The following MMP16 variants were observed in gnomAD, a reference collection of about 807,000 sequenced individuals.
MMP16 encodes the protein matrix metalloproteinase-16.
A neutral mutation model predicts 67.8 loss-of-function variants in MMP16; 12 were observed. That is an observed-to-expected ratio of 0.18 (90% CI 0.11 to 0.29). MMP16 has a LOEUF of 0.29. Ranked by LOEUF, MMP16 falls within the 10% of genes least tolerant of loss-of-function variation. The pLI is 1.00. For synonymous variants in MMP16, 249 were observed against 255.9 expected (o/e 0.97, Z 0.26); for missense variants, 475 against 765.7 (o/e 0.62, Z 4.48).
intron 1 of MMP16, among the ~76,000 whole-genome samples, chr8:88,253,040 C>T (rs1024387502): frequency 6.6e-6 from 1 of 152,068 alleles, no homozygotes; most frequent in Non-Finnish European, 1.5e-5. Flanking sequence ...AACTGTTGCT[C>T]TCTTAATTAA....
At chr8:88,129,307 T>A (rs187026700) in intron 4 of MMP16, among the ~76,000 whole-genome samples, 1 of 151,938 alleles carries the variant, frequency 6.6e-6, no homozygotes, top group East Asian at 1.9e-4. Flanking sequence ...TTCATTTTTT[T>A]ATATTAGAGA....
intron 6 of MMP16, among the ~76,000 whole-genome samples, chr8:88,113,175 C>T (rs989793432): frequency 6.6e-6 from 1 of 151,776 alleles, no homozygotes; most frequent in Admixed American, 6.6e-5. Flanking sequence ...TGTTGAGGAA[C>T]ACATTTCAAT....
intron 8 of MMP16, 136 bp downstream of exon 8, chr8:88,055,992 C>T: frequency 1.8e-6 from 1 of 549,684 alleles, no homozygotes; most frequent in Non-Finnish European, 2.9e-6. Flanking sequence ...AAATGTAAAA[C>T]AATTTTTAAT....
intron 4 of MMP16, among the ~76,000 whole-genome samples, chr8:88,149,272 C>G (rs1022144499): frequency 1.3e-5 from 2 of 152,218 alleles, no homozygotes; most frequent in Non-Finnish European, 2.9e-5. Context: ...AAGGCGGCAG[C>G]GAGGCTGGGT....
intron 1 of MMP16, among the ~76,000 whole-genome samples, chr8:88,293,311 C>T (rs991959570): frequency 3.3e-5 from 5 of 151,932 alleles, no homozygotes; most frequent in Admixed American, 2.6e-4. Context: ...ATTACCCTTA[C>T]CCCGAAACTA....
intron 1 of MMP16, among the ~76,000 whole-genome samples, chr8:88,242,141 C>A (rs1810043380): frequency 6.6e-6 from 1 of 152,170 alleles, no homozygotes; most frequent in Non-Finnish European, 1.5e-5. Flanking sequence ...ATACAACCAG[C>A]TCATCTGAAG....
At chr8:88,201,892 T>G (rs746537999) in intron 1 of MMP16, among the ~76,000 whole-genome samples, 2 of 152,130 alleles carry the variant, frequency 1.3e-5, no homozygotes, top group Non-Finnish European at 2.9e-5. Context: ...TTTTAAAAAG[T>G]GGCAGGATTT....
intron 1 of MMP16, among the ~76,000 whole-genome samples, chr8:88,264,635 T>C (rs1293896872): frequency 6.6e-6 from 1 of 152,212 alleles, no homozygotes; most frequent in Non-Finnish European, 1.5e-5. Flanking sequence ...CAGGTGATTA[T>C]CTGAATCCTC....
At chr8:88,186,351 T>C (rs968228728) in intron 3 of MMP16, 125 bp downstream of exon 3, 16 of 1,279,978 alleles carry the variant, frequency 1.3e-5, no homozygotes, top group Non-Finnish European at 1.5e-5. Context: ...TTTAAATCTC[T>C]TATGTTAACA....
intron 6 of MMP16, among the ~76,000 whole-genome samples, chr8:88,104,606 G>A (rs537858470): frequency 2.7e-5 from 4 of 148,728 alleles, no homozygotes; most frequent in East Asian, 2.0e-4. Context: ...AATGCAGTAC[G>A]TAACACTTGA....
intron 1 of MMP16, among the ~76,000 whole-genome samples, chr8:88,209,885 T>C (rs565246671): frequency 6.6e-6 from 1 of 152,280 alleles, no homozygotes; most frequent in Admixed American, 6.5e-5. Context: ...GGACTGAATG[T>C]TTGTGTCTGT....
rs1165652155 is a variant in MMP16 at position 88,048,497 on chromosome 8, G to A, written c.1374-1713C>T. 3.9e-5 allele frequency among the ~76,000 whole-genome samples: 6 copies of A among 152,064 alleles called. No individual in the cohort carries two copies. In the East Asian group the frequency reaches 5.8e-4, roughly 15 times the overall value. ...AGTTCACAGTGATATCACCTATTTC[G>A]GGCAGCCCTATTGCTCTATGCATTA... On this transcript the variant is annotated intron_variant, in intron 8 of 9. Coordinates refer to ENST00000286614, the MANE Select transcript of MMP16 (RefSeq NM_005941.5).
chr8:88,068,321 T>C (rs1420594982), intron 7 of MMP16, among the ~76,000 whole-genome samples: 1 of 152,132 alleles, frequency 6.6e-6, no homozygotes, highest in Non-Finnish European at 1.5e-5. Flanking sequence ...TCCTTCATCA[T>C]ATACTTGGCT....
rs535542675 is a variant in MMP16 at position 88,040,150 on chromosome 8, G to A, written c.*1311C>T. Reference sequence around the variant, plus strand: ...TTCAGTATGCCTAAAAAAAAGAAAAGAAGACTTAGGCTATTATCAGTTTTT... The same window carrying A: ...TTCAGTATGCCTAAAAAAAAGAAAAAAAGACTTAGGCTATTATCAGTTTTT... On this transcript the variant is annotated 3_prime_UTR_variant, in exon 10 of 10. Coordinates refer to ENST00000286614, the MANE Select transcript of MMP16 (RefSeq NM_005941.5). The A allele has an allele frequency of 2.1e-4, 32 of 152,588 alleles. No homozygotes were observed. In the South Asian group the frequency reaches 6.2e-3, roughly 30 times the overall value. 9.5% of individuals were successfully genotyped at this position (152,588 alleles called of 1,614,324 possible).
At chr8:88,307,645 C>T (rs1811230801) in intron 1 of MMP16, among the ~76,000 whole-genome samples, 1 of 151,820 alleles carries the variant, frequency 6.6e-6, no homozygotes, top group Non-Finnish European at 1.5e-5. Context: ...GTCTCCATTT[C>T]CCTTAGTCAG....
chr8:88,069,122 A>T, intron 7 of MMP16: 1 of 223,668 alleles, frequency 4.5e-6, no homozygotes, highest in South Asian at 5.6e-5. Flanking sequence ...TTCGATCGGG[A>T]TTGCACTGAA....
chr8:88,114,818 T>A (rs1309016033), intron 6 of MMP16, among the ~76,000 whole-genome samples: 2 of 152,006 alleles, frequency 1.3e-5, no homozygotes, highest in Non-Finnish European at 2.9e-5. Flanking sequence ...GAAGCAGGCC[T>A]TAGTTATATT....
chr8:88,312,883 G>T (rs1040791547), intron 1 of MMP16, among the ~76,000 whole-genome samples: 1 of 152,104 alleles, frequency 6.6e-6, no homozygotes, highest in Non-Finnish European at 1.5e-5. Context: ...CAGGAGAATT[G>T]CTTGAACCCA....
At chr8:88,149,009 G>T (rs902606019) in intron 4 of MMP16, among the ~76,000 whole-genome samples, 7 of 152,200 alleles carry the variant, frequency 4.6e-5, no homozygotes, top group African/African-American at 1.2e-4. Context: ...TGCGCGCACC[G>T]GGCGCGAGCC....
Sources: allele counts gnomAD v4.1 joint callset (sites outside exome capture counted in the v4.1 genomes callset), GRCh38; gene constraint gnomAD v4.1.1; transcripts MANE v1.5; gene names NCBI Gene and HGNC (gene_info 2026-07-23, HGNC 2026-07-21).